VRK1: variants seen among roughly 807,000 people sequenced by gnomAD.
The protein encoded by VRK1 is serine/threonine-protein kinase VRK1.
VRK1 carries 33 observed loss-of-function variants against 57.1 expected under a neutral mutation model. That is an observed-to-expected ratio of 0.58 (90% CI 0.44 to 0.77). VRK1 has a LOEUF of 0.77. VRK1 is among the 30% of genes least tolerant of loss of function. VRK1 has a pLI of 0.00. For missense variants in VRK1, 413 were observed against 477.3 expected, an observed-to-expected ratio of 0.87 and a Z score of 1.25; for synonymous variants, 137 against 147.8, an observed-to-expected ratio of 0.93 and a Z score of 0.53.
At chr14:96,841,033 T>G (rs1887440515) in intron 3 of VRK1, among the ~76,000 whole-genome samples, 1 of 151,946 alleles carries the variant, frequency 6.6e-6, no homozygotes, top group African/African-American at 2.4e-5. Context: ...TTTTTTTGAT[T>G]TTTTGGTAGA....
intron 1 of VRK1, among the ~76,000 whole-genome samples, chr14:96,799,773 T>C (rs1885583592): frequency 6.6e-6 from 1 of 152,106 alleles, no homozygotes. Flanking sequence ...TTCAGACTGG[T>C]AGGATATTTT....
intron 1 of VRK1, among the ~76,000 whole-genome samples, chr14:96,831,488 C>A (rs77091282): frequency 6.6e-6 from 1 of 152,088 alleles, no homozygotes; most frequent in African/African-American, 2.4e-5. Flanking sequence ...AAAGTCATTC[C>A]AAGCCTTAAT....
chr14:96,831,866 G>A (rs1887018237), intron 1 of VRK1, among the ~76,000 whole-genome samples: 1 of 152,126 alleles, frequency 6.6e-6, no homozygotes, highest in Admixed American at 6.5e-5. Context: ...ATGTGTTTTA[G>A]TTGTTTCTTT....
chr14:96,842,326 A>T (rs1887495765), intron 3 of VRK1, among the ~76,000 whole-genome samples: 1 of 152,230 alleles, frequency 6.6e-6, no homozygotes, highest in Non-Finnish European at 1.5e-5. Flanking sequence ...ACCAAATAAC[A>T]AACATGTAAA....
intron 1 of VRK1, among the ~76,000 whole-genome samples, chr14:96,815,822 C>T (rs927841811): frequency 1.3e-5 from 2 of 151,384 alleles, no homozygotes; most frequent in African/African-American, 2.4e-5. Context: ...TGCTTAGGGC[C>T]GAGGCTGCAG....
At position 96,855,120 on chromosome 14, in the gene VRK1, A is replaced by G. The variant is rs933373174; in HGVS notation, c.577-104A>G. The G allele has an allele frequency of 7.1e-6, 11 of 1,552,354 alleles. No individual in the cohort carries two copies. The African/African-American group carries it at 1.1e-4, about 15-fold the overall frequency. On this transcript the variant is annotated intron_variant, in intron 7 of 12. Transcript: ENST00000216639. The stretch of plus-strand genomic sequence containing the variant: ...TTGGAGTGTTATGGAATGACCTTGT[A>G]GGTGAACCCACCTTCAGATGCCAGT...
rs574516956 is a variant in VRK1, at chr14:96,843,574, A to G, written c.217-2521A>G. ...TTAGCTGGTGCCATTGAAATATATC[A>G]CATTTTAATTTTTTTTCTGTTGTCA... On this transcript the variant is annotated intron_variant, in intron 3 of 12. Coordinates refer to ENST00000216639, the MANE Select transcript of VRK1 (RefSeq NM_003384.3). 1.5e-4 allele frequency among the ~76,000 whole-genome samples: 23 copies of G among 152,288 alleles called. No individual in the cohort carries two copies. In the East Asian group the frequency reaches 3.9e-3, roughly 26 times the overall value.
chr14:96,831,423 A>G (rs1217869514), intron 1 of VRK1, among the ~76,000 whole-genome samples: 1 of 152,206 alleles, frequency 6.6e-6, no homozygotes, highest in Non-Finnish European at 1.5e-5. Context: ...ATTTAGAAGC[A>G]TATTGAAGAT....
chr14:96,876,093 A>AT lies in VRK1; in HGVS notation c.1132_1133insT (p.Thr378IlefsTer25), dbSNP rs892468166. The AT allele has an allele frequency of 1.9e-6, 3 of 1,613,566 alleles. No individual in the cohort carries two copies. The highest frequency in any genetic ancestry group is 1.7e-6 in the Non-Finnish European group (2 of 1,179,690). On this transcript the variant is annotated frameshift_variant, in exon 12 of 13. Transcript: ENST00000216639. LOFTEE classifies it high-confidence loss of function. ...TGTTGAAGATACGGAATGGTCAAAC[A>AT]CACAGACAGAGGAGGCCATACAGAC...
intron 1 of VRK1, among the ~76,000 whole-genome samples, chr14:96,798,924 A>G (rs1162831622): frequency 2.0e-5 from 3 of 152,250 alleles, no homozygotes; most frequent in African/African-American, 4.8e-5. Context: ...TGTTGATGCT[A>G]CCACAGATGG....
chr14:96,810,933 AT>A (rs34705713), intron 1 of VRK1, among the ~76,000 whole-genome samples: 51,736 of 149,064 alleles, frequency 0.35, 9,223 homozygotes, highest in South Asian at 0.43. Flanking sequence ...TGTTCTTCTG[AT>A]TTTTTTTTTT....
At chr14:96,876,808 AAAC>A (rs985233321) in intron 12 of VRK1, among the ~76,000 whole-genome samples, 30 of 152,028 alleles carry the variant, frequency 2.0e-4, no homozygotes, top group African/African-American at 7.2e-4. Context: ...AAAACAAAAA[AAAC>A]AAGGTATGAA....
chr14:96,822,256 C>G (rs1038294985), intron 1 of VRK1, among the ~76,000 whole-genome samples: 1 of 152,082 alleles, frequency 6.6e-6, no homozygotes, highest in African/African-American at 2.4e-5. Context: ...AGTGTGCTGT[C>G]AATAAATACT....
At chr14:96,821,184 C>G (rs984487764) in intron 1 of VRK1, among the ~76,000 whole-genome samples, 6 of 152,174 alleles carry the variant, frequency 3.9e-5, no homozygotes, top group Non-Finnish European at 8.8e-5. Flanking sequence ...GTTGCATTTC[C>G]TTCATCTTTG....
At chr14:96,869,191 T>C (rs759031287) in intron 11 of VRK1, among the ~76,000 whole-genome samples, 1 of 152,204 alleles carries the variant, frequency 6.6e-6, no homozygotes, top group Non-Finnish European at 1.5e-5. Flanking sequence ...ATAAAAGATA[T>C]AAAGTGCTTA....
chr14:96,843,858 T>C (rs1362984068), intron 3 of VRK1, among the ~76,000 whole-genome samples: 4 of 152,222 alleles, frequency 2.6e-5, no homozygotes, highest in Non-Finnish European at 4.4e-5. Flanking sequence ...AGAAGAAGTA[T>C]GAAATGAGCT....
In VRK1 at chr14:96,837,816, TG is replaced by T; in HGVS notation, c.216+1del. On this transcript the variant is annotated frameshift_variant and splice_region_variant, in exon 3 of 13. Transcript: ENST00000216639. LOFTEE classifies it high-confidence loss of function. ...VGSDAPCVVKVEPSDNGPLFT... is the reference protein window; with the variant it reads ...VGSDAPCVVKXEPSDNGPLFT... ...AGTGATGCACCTTGTGTTGTAAAAG[TG>T]GTAAGAAATATTTTAGCTAATTTGT... The T allele has an allele frequency of 6.5e-7, 1 of 1,548,202 alleles. No homozygotes were observed. Among genetic ancestry groups the T allele is most frequent in the Admixed American group, 1.8e-5 (1 of 54,454 alleles).
chr14:96,856,455 T>C (rs1440183292), intron 9 of VRK1, 73 bp from the exon 10 acceptor site: 38 of 1,414,372 alleles, frequency 2.7e-5, no homozygotes, highest in Non-Finnish European at 4.9e-6. Context: ...TATAGCTTAA[T>C]GTGCTATATA....
At chr14:96,807,524 A>T (rs887126344) in intron 1 of VRK1, among the ~76,000 whole-genome samples, 18 of 152,210 alleles carry the variant, frequency 1.2e-4, no homozygotes, top group Admixed American at 9.8e-4. Context: ...ATGGCTTGAT[A>T]CGTGAGAAAT....
Sources: gnomAD v4.1 joint callset for allele counts (sites outside exome capture counted in the v4.1 genomes callset) on GRCh38, gnomAD v4.1.1 for gene constraint, MANE v1.5 for transcripts, NCBI Gene and HGNC (gene_info 2026-07-23, HGNC 2026-07-21) for gene names.